Variants in TRPV3 observed in about 807,000 individuals in gnomAD.
The protein encoded by TRPV3 is VRL-3.
In TRPV3, 88 loss-of-function variants were observed where a neutral mutation model predicts 87.1. That is an observed-to-expected ratio of 1.01 (90% CI 0.85 to 1.21). The LOEUF is 1.21. Ranked by LOEUF, TRPV3 falls within the 50% of genes most tolerant of loss-of-function variation. TRPV3 has a pLI of 0.00. For synonymous variants in TRPV3, 438 were observed against 423.3 expected (o/e 1.03, Z -0.43); for missense variants, 1,054 against 1,030.1 (o/e 1.02, Z -0.32).
intron 2 of TRPV3, among the ~76,000 whole-genome samples, chr17:3,551,219 GAAGACAGTGAT>G (rs1356935965): frequency 6.6e-6 from 1 of 152,254 alleles, no homozygotes; most frequent in Non-Finnish European, 1.5e-5. Flanking sequence ...CCAGATGTGA[GAAGACAGTGAT>G]AAGCGCAGGG....
intron 8 of TRPV3, among the ~76,000 whole-genome samples, 155 bp downstream of exon 8, chr17:3,532,502 C>T (rs750941734): frequency 3.9e-4 from 59 of 152,344 alleles, no homozygotes; most frequent in Middle Eastern, 3.4e-3. Context: ...TGCCTCCGGC[C>T]GCCACGCCAC....
chr17:3,550,715 A>G (rs1012365561), intron 2 of TRPV3, among the ~76,000 whole-genome samples: 2 of 151,758 alleles, frequency 1.3e-5, no homozygotes, highest in African/African-American at 2.4e-5. Context: ...TAGTAGAGAC[A>G]GGGTTTCACC....
chr17:3,530,019 A>G lies in TRPV3; in HGVS notation c.1242+8T>C, dbSNP rs1370633545. On this transcript the variant is annotated splice_region_variant and intron_variant, in intron 9 of 17. Transcript: ENST00000576742. This position sits in a 1 kb window ranked among gnomAD's most constrained non-coding sequence, Gnocchi z 4.0. ...CCCTGCCCTTCCCCGCCTGTGCAGG[A>G]GACCCACGTCGATGTTGGTGTTGTA... 1.9e-6 allele frequency: 3 copies of G among 1,609,376 alleles called. No individual in the cohort carries two copies. The highest frequency in any genetic ancestry group is 2.7e-5 in the African/African-American group (2 of 74,850).
chr17:3,535,453 T>TCCTCCTTCCCTCTTTCTTCCCC (rs2074399951), intron 7 of TRPV3, 120 bp downstream of exon 7: 5 of 752,148 alleles, frequency 6.6e-6, no homozygotes, highest in Non-Finnish European at 8.7e-6. Flanking sequence ...CTCACTTCCT[T>TCCTCCTTCCCTCTTTCTTCCCC]CCTCCTTCCC....
rs1208631094 is a variant in TRPV3 at position 3,544,638 on chromosome 17, G to A, written c.252C>T (p.Asp84=). ...QCISGNCDDM[D]SPQSPQDDVT... is the part of the protein sequence containing the mutation. ...CATCATCCTGAGGAGACTGGGGGGAGTCCATGTCATCACAGTTACCAGAGA... is the reference window on the plus strand; with the variant it reads ...CATCATCCTGAGGAGACTGGGGGGAATCCATGTCATCACAGTTACCAGAGA... The change falls in exon 4 of 18, where the codon GAC becomes GAT. Residue 84 remains aspartate, a synonymous_variant. Transcript: ENST00000576742. 2 of 1,609,784 alleles carry A rather than the reference G, an allele frequency of 1.2e-6. No individual in the cohort carries two copies. The highest frequency in any genetic ancestry group is 1.7e-6 in the Non-Finnish European group (2 of 1,179,198).
rs192496455 is a variant in TRPV3 at position 3,557,476 on chromosome 17, C to A, written c.-3+200G>T. On this transcript the variant is annotated intron_variant, in intron 1 of 17. Transcript: ENST00000576742. The surrounding 1 kb of genome is among the most constrained non-coding windows in gnomAD (Gnocchi z 4.5). ...TGTAAGGACCTATATTCTCACACAT[C>A]CCTACAGCCAAGAGTGCAGCCAAGA... Among the ~76,000 whole-genome samples, 19 of 152,338 alleles carry A rather than the reference C, an allele frequency of 1.2e-4. No homozygotes were observed. In the East Asian group the frequency reaches 3.1e-3, roughly 25 times the overall value.
Position 3,556,883 on chromosome 17 carries a change from G to T in TRPV3, c.-3+793C>A, listed in dbSNP as rs919493395. Among the ~76,000 whole-genome samples, 11 of 152,182 alleles carry T rather than the reference G, an allele frequency of 7.2e-5. No homozygotes were observed. The highest frequency in any genetic ancestry group is 2.7e-4 in the African/African-American group (11 of 41,438). ...ACTAAAAGGCTGGGATGCACCGAGC[G>T]TGAAGGAGACAGAAGAAGGGCACGT... On this transcript the variant is annotated intron_variant, in intron 1 of 17. Transcript: ENST00000576742. This position sits in a 1 kb window ranked among gnomAD's most constrained non-coding sequence, Gnocchi z 4.2.
intron 2 of TRPV3, among the ~76,000 whole-genome samples, chr17:3,551,012 G>A (rs2074569115): frequency 6.6e-6 from 1 of 152,196 alleles, no homozygotes; most frequent in Non-Finnish European, 1.5e-5. Flanking sequence ...TGCGCTATGG[G>A]AGCTCAGAGG....
intron 2 of TRPV3, chr17:3,552,474 G>C (rs866241682): frequency 1.3e-5 from 2 of 152,404 alleles, no homozygotes; most frequent in African/African-American, 4.8e-5. Flanking sequence ...GATTACAGGC[G>C]TGAGCCACCG....
chr17:3,545,617 C>T (rs531017991), intron 2 of TRPV3, among the ~76,000 whole-genome samples: 13 of 151,962 alleles, frequency 8.6e-5, no homozygotes, highest in Non-Finnish European at 1.6e-4. Context: ...ACACTTCCTC[C>T]TCTGAACAAG....
In TRPV3 at chr17:3,535,710, T is replaced by G; in HGVS notation, c.647A>C (p.Gln216Pro). ...CTCGATGGCGATGTTCAGCGCCGTC[T>G]GCCCTGCGGAGCGGGCGGGGACGCG... The part of the protein sequence containing the change: ...AEYTEEAYEG[Q>P]TALNIAIERR... The change falls in exon 7 of 18, where the codon CAG becomes CCG. Residue 216 changes from glutamine to proline, a missense_variant. Transcript: ENST00000576742. 1 of 1,525,086 alleles carries G rather than the reference T, an allele frequency of 6.6e-7. No individual in the cohort carries two copies. Among genetic ancestry groups the G allele is most frequent in the Non-Finnish European group, 8.8e-7 (1 of 1,138,868 alleles). 94.5% of individuals were successfully genotyped at this position (1,525,086 alleles called of 1,614,324 possible).
intron 16 of TRPV3, among the ~76,000 whole-genome samples, chr17:3,514,974 CT>C (rs1261689459): frequency 1.3e-5 from 2 of 152,274 alleles, no homozygotes; most frequent in East Asian, 3.9e-4. Context: ...CTGTGCCTGA[CT>C]GGTGACAGCC....
chr17:3,535,554 G>A lies in TRPV3; in HGVS notation c.784+19C>T, dbSNP rs964587701. On this transcript the variant is annotated intron_variant, in intron 7 of 17. Coordinates refer to ENST00000576742, the MANE Select transcript of TRPV3 (RefSeq NM_145068.4). ...CCTCCCTCCTCCCAGACTCCGCACCGGGCGGGGGCGGCACCCACCGAAGTA... is the reference window on the plus strand; with the variant it reads ...CCTCCCTCCTCCCAGACTCCGCACCAGGCGGGGGCGGCACCCACCGAAGTA... 2.6e-6 allele frequency: 4 copies of A among 1,522,900 alleles called. No individual in the cohort carries two copies. Among genetic ancestry groups the A allele is most frequent in the Non-Finnish European group, 3.5e-6 (4 of 1,129,240 alleles). The allele number at this position is 1,522,900 out of a possible 1,614,324, so 94.3% of individuals were successfully genotyped here. A position where few individuals can be genotyped will look rare whatever the true frequency, so the allele number is the denominator to read the frequency against.
At chr17:3,523,445 G>A (rs148126942) in intron 13 of TRPV3, among the ~76,000 whole-genome samples, 2,170 of 152,246 alleles carry the variant, frequency 0.014, 58 homozygotes, top group African/African-American at 0.048. Flanking sequence ...TAGGCCTGGC[G>A]CGGTGGTTCA....
At chr17:3,532,577 AAGGCCCCC>A in intron 8 of TRPV3, 72 bp downstream of exon 8, 21 of 1,515,018 alleles carry the variant, frequency 1.4e-5, no homozygotes, top group Non-Finnish European at 1.9e-5. Flanking sequence ...AATCCCCAGT[AAGGCCCCC>A]GGGGCTGAGA....
At position 3,524,391 on chromosome 17, in the gene TRPV3, CCTTA is replaced by C. The variant is rs753891610; in HGVS notation, c.1578-32_1578-29del. 69 of 1,611,590 alleles carry C rather than the reference CCTTA, an allele frequency of 4.3e-5. No homozygotes were observed. In the South Asian group the frequency reaches 4.7e-4, roughly 11 times the overall value. ...GTTCAGGAGACACAGGAGACACGGG[CCTTA>C]CTTACTTCTCAGCATCAGGGCAAAG... On this transcript the variant is annotated intron_variant, in intron 12 of 17. Coordinates refer to ENST00000576742, the MANE Select transcript of TRPV3 (RefSeq NM_145068.4).
intron 3 of TRPV3, 64 bp downstream of exon 3, chr17:3,545,103 T>A: frequency 8.3e-7 from 1 of 1,211,448 alleles, no homozygotes; most frequent in Non-Finnish European, 1.2e-6. Flanking sequence ...GGCAAGTCAC[T>A]GGCCACATGC....
Position 3,518,773 on chromosome 17 carries a change from G to A in TRPV3, c.1888C>T (p.Leu630=). 1 of 1,614,100 alleles carries A rather than the reference G, an allele frequency of 6.2e-7. No homozygotes were observed. Among genetic ancestry groups the A allele is most frequent in the Non-Finnish European group, 8.5e-7 (1 of 1,179,976 alleles). The part of the protein sequence containing the change: ...SSYGSFSDAV[L]ELFKLTIGLG... Reference sequence around the variant, plus strand: ...CCTATGGTGAGCTTGAAGAGTTCCAGCACTGCGTCGCTGAAGCTGCCGTAG... The same window carrying A: ...CCTATGGTGAGCTTGAAGAGTTCCAACACTGCGTCGCTGAAGCTGCCGTAG... The change falls in exon 15 of 18, where the codon CTG becomes TTG. Residue 630 remains leucine, a synonymous_variant. Transcript: ENST00000576742. The surrounding 1 kb of genome is among the most constrained non-coding windows in gnomAD (Gnocchi z 4.3).
Position 3,530,505 on chromosome 17 carries a change from C to T in TRPV3, c.1066-302G>A, listed in dbSNP as rs940079308. ...GAAATGCCTCACGCCAGCTGGGGACCCGGTTCGGTGAAAAATCCAGGCACT... is the reference window on the plus strand; with the variant it reads ...GAAATGCCTCACGCCAGCTGGGGACTCGGTTCGGTGAAAAATCCAGGCACT... On this transcript the variant is annotated intron_variant, in intron 8 of 17. Coordinates refer to ENST00000576742, the MANE Select transcript of TRPV3 (RefSeq NM_145068.4). The surrounding 1 kb of genome is among the most constrained non-coding windows in gnomAD (Gnocchi z 4.0). 6.6e-6 allele frequency among the ~76,000 whole-genome samples: 1 copy of T among 152,162 alleles called. No individual in the cohort carries two copies. The highest frequency in any genetic ancestry group is 6.5e-5 in the Admixed American group (1 of 15,278).
Sources: allele counts gnomAD v4.1 joint callset (sites outside exome capture counted in the v4.1 genomes callset), GRCh38; gene constraint gnomAD v4.1.1; non-coding constraint Gnocchi (gnomAD v3.1); transcripts MANE v1.5; gene names NCBI Gene and HGNC (gene_info 2026-07-23, HGNC 2026-07-21).